Variants in AGPAT3 observed in about 807,000 individuals in gnomAD.
AGPAT3 encodes the protein 1-acyl-sn-glycerol-3-phosphate acyltransferase gamma.
AGPAT3 carries 5 observed loss-of-function variants against 47.3 expected under a neutral mutation model. The ratio of observed to expected loss-of-function variants is 0.11; its 90% CI spans 0.06 to 0.22. The LOEUF (loss-of-function observed/expected upper bound fraction) is 0.22, where lower values mean the gene tolerates loss of function less well. Among genes scored for constraint, AGPAT3 ranks in the 10% least tolerant of loss-of-function variants. The probability of loss-of-function intolerance (pLI) is 1.00; values close to 1 mark genes in which losing one functional copy is unlikely to be tolerated. For missense variants in AGPAT3, 315 were observed against 493.0 expected (o/e 0.64, Z 3.42); for synonymous variants, 212 against 208.3 (o/e 1.02, Z -0.15).
intron 1 of AGPAT3, among the ~76,000 whole-genome samples, chr21:43,887,968 G>A (rs980778805): frequency 6.6e-6 from 1 of 152,214 alleles, no homozygotes; most frequent in African/African-American, 2.4e-5. Flanking sequence ...ACACGTTCTT[G>A]TTGTACTATT....
At chr21:43,936,480 A>G (rs1319698370) in intron 2 of AGPAT3, among the ~76,000 whole-genome samples, 1 of 152,254 alleles carries the variant, frequency 6.6e-6, no homozygotes, top group Non-Finnish European at 1.5e-5. Flanking sequence ...CCTGGGAGTC[A>G]AAGCTGCAAG....
At chr21:43,906,373 A>C (rs949661193) in intron 2 of AGPAT3, among the ~76,000 whole-genome samples, 1 of 152,028 alleles carries the variant, frequency 6.6e-6, no homozygotes, top group African/African-American at 2.4e-5. Flanking sequence ...TCTATAGCAA[A>C]ATGTTTGTCC....
At chr21:43,936,101 G>A (rs564454480) in intron 2 of AGPAT3, among the ~76,000 whole-genome samples, 5 of 152,334 alleles carry the variant, frequency 3.3e-5, no homozygotes, top group African/African-American at 4.8e-5. Context: ...GGGGACAGCC[G>A]TGGTGGTCAA....
chr21:43,874,592 T>C (rs1044392250), intron 1 of AGPAT3, among the ~76,000 whole-genome samples: 4 of 152,232 alleles, frequency 2.6e-5, no homozygotes, highest in Admixed American at 6.5e-5. Flanking sequence ...AATTCTATTA[T>C]GTATCTTCTG....
intron 2 of AGPAT3, among the ~76,000 whole-genome samples, chr21:43,956,764 C>T (rs977395064): frequency 2.0e-5 from 3 of 152,192 alleles, no homozygotes; most frequent in Admixed American, 6.5e-5. Flanking sequence ...CAGGTGGCCC[C>T]CTCAGGAGTA....
rs1251893667 is a variant in AGPAT3 at position 43,930,836 on chromosome 21, G to C, written c.-49+26817G>C. Among the ~76,000 whole-genome samples, 1 of 152,172 alleles carries C rather than the reference G, an allele frequency of 6.6e-6. No individual in the cohort carries two copies. The highest frequency in any genetic ancestry group is 6.5e-5 in the Admixed American group (1 of 15,282). On this transcript the variant is annotated intron_variant, in intron 2 of 9. Coordinates refer to ENST00000291572, the MANE Select transcript of AGPAT3 (RefSeq NM_020132.5). This position sits in a 1 kb window ranked among gnomAD's most constrained non-coding sequence, Gnocchi z 5.0. The stretch of plus-strand genomic sequence containing the variant: ...CAGGCCAGTGTGCGGTCCTCAAGCT[G>C]CTGGTGACAAACGCAAGGGGCCTGC...
At chr21:43,923,073 C>A (rs1238739239) in intron 2 of AGPAT3, among the ~76,000 whole-genome samples, 1 of 152,200 alleles carries the variant, frequency 6.6e-6, no homozygotes, top group African/African-American at 2.4e-5. Context: ...ACAAGGAGAA[C>A]AAACCCAGAG....
intron 1 of AGPAT3, among the ~76,000 whole-genome samples, chr21:43,897,636 AGAGGCGCTCCTCACATCCCAGACG>A (rs1324317989): frequency 4.6e-5 from 7 of 151,452 alleles, no homozygotes; most frequent in African/African-American, 9.7e-5. Context: ...GCGGCCGGGC[AGAGGCGCTCCTCACATCCCAGACG>A]GGGCGGCCGG....
intron 1 of AGPAT3, among the ~76,000 whole-genome samples, chr21:43,895,745 C>A (rs1168225500): frequency 6.6e-6 from 1 of 152,004 alleles, no homozygotes; most frequent in Non-Finnish European, 1.5e-5. Context: ...GCCACCACAC[C>A]TGGCTAATTT....
In AGPAT3 at chr21:43,906,583, C is replaced by T. The variant is rs530522695; in HGVS notation, c.-49+2564C>T. 1.2e-4 allele frequency among the ~76,000 whole-genome samples: 19 copies of T among 152,182 alleles called. No homozygotes were observed. In the East Asian group the frequency reaches 1.9e-3, roughly 15 times the overall value. ...GGAGGTGGGATGGGGCGTGATGGGA[C>T]GCTTGTTCCTCATGGTGGCTGTGAC... On this transcript the variant is annotated intron_variant, in intron 2 of 9. Transcript: ENST00000291572.
At chr21:43,928,333 G>A (rs2087125558) in intron 2 of AGPAT3, among the ~76,000 whole-genome samples, 1 of 152,238 alleles carries the variant, frequency 6.6e-6, no homozygotes. Flanking sequence ...CAGCGTTAAG[G>A]AATATACACA....
At chr21:43,966,876 T>G (rs1369386867) in intron 3 of AGPAT3, 1 of 152,270 alleles carries the variant, frequency 6.6e-6, no homozygotes, top group Non-Finnish European at 1.5e-5. Context: ...CCCGGACAAC[T>G]GGCTGGGGGG....
At position 43,983,379 on chromosome 21, in the gene AGPAT3, A is replaced by G. The variant is rs1419781734; in HGVS notation, c.*987A>G. On this transcript the variant is annotated 3_prime_UTR_variant, in exon 10 of 10. Transcript: ENST00000291572. Reference sequence around the variant, plus strand: ...GAGCTCATTGACTTCTAGAGATTTTATTTTTACTGGTTGATCTCTTGGTGG... The same window carrying G: ...GAGCTCATTGACTTCTAGAGATTTTGTTTTTACTGGTTGATCTCTTGGTGG... 5 of 152,176 alleles carry G rather than the reference A, an allele frequency of 3.3e-5. No individual in the cohort carries two copies. The highest frequency in any genetic ancestry group is 2.0e-4 in the Admixed American group (3 of 15,300). 9.4% of individuals were successfully genotyped at this position (152,176 alleles called of 1,614,324 possible).
chr21:43,869,726 C>A (rs781247138), intron 1 of AGPAT3, among the ~76,000 whole-genome samples: 3 of 152,202 alleles, frequency 2.0e-5, no homozygotes, highest in South Asian at 4.1e-4. Flanking sequence ...CGTGAGTACC[C>A]GCTTTGGTCA....
intron 1 of AGPAT3, among the ~76,000 whole-genome samples, chr21:43,878,443 C>T (rs79606553): frequency 1.2e-4 from 18 of 152,346 alleles, no homozygotes; most frequent in South Asian, 6.2e-4. Flanking sequence ...CACTGGGCTC[C>T]GCTGTGTGGA....
At chr21:43,940,717 GCA>G (rs2087624795) in intron 2 of AGPAT3, among the ~76,000 whole-genome samples, 3 of 152,220 alleles carry the variant, frequency 2.0e-5, no homozygotes, top group African/African-American at 7.2e-5. Flanking sequence ...ATGGTGATCT[GCA>G]CCCTGAGCAG....
chr21:43,976,932 C>T (rs903647183), intron 7 of AGPAT3, among the ~76,000 whole-genome samples: 2 of 152,204 alleles, frequency 1.3e-5, no homozygotes, highest in African/African-American at 4.8e-5. Flanking sequence ...AGCTGGCAAA[C>T]TTGGTGTTCT....
chr21:43,955,084 C>A lies in AGPAT3; in HGVS notation c.-48-4550C>A. ...CAAAGGCTGGGTGCCAGCTGCCTGT[C>A]GGCAGGGAGCGTATCACCGTGGCAC... is the stretch of plus-strand genomic sequence containing the variant. On this transcript the variant is annotated intron_variant, in intron 2 of 9. Coordinates refer to ENST00000291572, the MANE Select transcript of AGPAT3 (RefSeq NM_020132.5). The surrounding 1 kb of genome is among the most constrained non-coding windows in gnomAD (Gnocchi z 4.1). 8.0e-7 allele frequency: 1 copy of A among 1,248,490 alleles called. No homozygotes were observed. Among genetic ancestry groups the A allele is most frequent in the Non-Finnish European group, 1.0e-6 (1 of 962,294 alleles). 77.3% of individuals were successfully genotyped at this position (1,248,490 alleles called of 1,614,324 possible).
At chr21:43,929,967 G>A (rs1264982411) in intron 2 of AGPAT3, among the ~76,000 whole-genome samples, 1 of 152,212 alleles carries the variant, frequency 6.6e-6, no homozygotes, top group African/African-American at 2.4e-5. Flanking sequence ...GGTGACAGAC[G>A]CGTTCTCTGG....
Sources: allele counts gnomAD v4.1 joint callset (sites outside exome capture counted in the v4.1 genomes callset), GRCh38; gene constraint gnomAD v4.1.1; non-coding constraint Gnocchi (gnomAD v3.1); transcripts MANE v1.5; gene names NCBI Gene and HGNC (gene_info 2026-07-23, HGNC 2026-07-21).